Variants in PTPRU observed in about 807,000 individuals in gnomAD.
PTPRU encodes protein tyrosine phosphatase receptor type U.
Under a neutral mutation model 166.3 loss-of-function variants are expected in PTPRU, and 69 were observed. The ratio of observed to expected loss-of-function variants is 0.41; its 90% CI spans 0.34 to 0.51. PTPRU has a LOEUF of 0.51. PTPRU is among the 20% of genes least tolerant of loss of function. PTPRU has a pLI of 0.09. For synonymous variants in PTPRU, 793 were observed against 814.0 expected (o/e 0.97, Z 0.44); for missense variants, 1,657 against 2,013.7 (o/e 0.82, Z 3.39).
chr1:29,325,223 C>T lies in PTPRU; in HGVS notation c.4145C>T (p.Ala1382Val). Residue 1382 changes from alanine to valine, a missense_variant, in exon 29 of 30, where the codon GCC (alanine) becomes GTC (valine). Around this residue, in one of 3 missense-constraint regions of PTPRU, gnomAD observed 1,190 missense variants for 1,477.4 expected, o/e 0.81. Coordinates refer to ENST00000373779, the MANE Select transcript of PTPRU (RefSeq NM_133178.4). ...GGAGGACGCAGCGGCACCTTCTGCG[C>T]CTGCGCCACGGTCCTGGAGATGATC... ...NGGGRSGTFCACATVLEMIRC... is the reference protein window; with the variant it reads ...NGGGRSGTFCVCATVLEMIRC... 6.2e-7 allele frequency: 1 copy of T among 1,614,206 alleles called. No homozygotes were observed.
At chr1:29,242,512 G>C (rs1212546949) in intron 1 of PTPRU, among the ~76,000 whole-genome samples, 2 of 152,206 alleles carry the variant, frequency 1.3e-5, no homozygotes, top group Non-Finnish European at 2.9e-5. Context: ...TGGCTCCTGA[G>C]TCATGTATGG....
chr1:29,255,212 C>G (rs1684722217), intron 1 of PTPRU, 63 bp from the exon 2 acceptor site: 1 of 1,561,900 alleles, frequency 6.4e-7, no homozygotes, highest in Admixed American at 1.8e-5. Context: ...GGGCTACCCT[C>G]CAGGAGCCCT....
At chr1:29,318,083 A>G (rs922542741) in intron 25 of PTPRU, among the ~76,000 whole-genome samples, 162 bp downstream of exon 25, 1 of 152,134 alleles carries the variant, frequency 6.6e-6, no homozygotes, top group African/African-American at 2.4e-5. Flanking sequence ...GGGAGCTTCC[A>G]TTCAGGGCAT....
chr1:29,283,049 C>A (rs1686163654), intron 12 of PTPRU, 100 bp downstream of exon 12: 3 of 1,494,190 alleles, frequency 2.0e-6, no homozygotes, highest in South Asian at 1.3e-5. Flanking sequence ...CCAGGCCCGG[C>A]ACTTCCCATA....
intron 25 of PTPRU, among the ~76,000 whole-genome samples, chr1:29,319,659 G>C (rs1195939937): frequency 6.6e-6 from 1 of 152,246 alleles, no homozygotes; most frequent in African/African-American, 2.4e-5. Flanking sequence ...GGGGACCAGG[G>C]GGGCTCTTTG....
intron 15 of PTPRU, among the ~76,000 whole-genome samples, chr1:29,292,389 C>T (rs1225440707): frequency 2.6e-5 from 4 of 152,154 alleles, no homozygotes; most frequent in African/African-American, 9.7e-5. Flanking sequence ...AGAGTCAGAC[C>T]TGGGCTTACC....
At chr1:29,249,530 C>T (rs1269428029) in intron 1 of PTPRU, among the ~76,000 whole-genome samples, 2 of 152,228 alleles carry the variant, frequency 1.3e-5, no homozygotes, top group African/African-American at 4.8e-5. Flanking sequence ...CTCCCTGTTC[C>T]CAGTCTGAGG....
chr1:29,303,031 A>G (rs1274216149), intron 15 of PTPRU, among the ~76,000 whole-genome samples: 2 of 152,066 alleles, frequency 1.3e-5, no homozygotes, highest in African/African-American at 4.8e-5. Flanking sequence ...GTGTAAATAC[A>G]CTCTGTGGTG....
At chr1:29,306,285 C>G (rs1261584516) in intron 18 of PTPRU, among the ~76,000 whole-genome samples, 1 of 152,216 alleles carries the variant, frequency 6.6e-6, no homozygotes, top group Non-Finnish European at 1.5e-5. Context: ...CGAGGCGGGA[C>G]AGGGCCCCTA....
At chr1:29,266,298 C>T (rs1574633914) in intron 7 of PTPRU, among the ~76,000 whole-genome samples, 1 of 152,044 alleles carries the variant, frequency 6.6e-6, no homozygotes, top group African/African-American at 2.4e-5. Context: ...CGCGCCTGGC[C>T]TCCTGTTTTT....
chr1:29,296,201 T>C (rs1686874880), intron 15 of PTPRU, among the ~76,000 whole-genome samples: 1 of 152,216 alleles, frequency 6.6e-6, no homozygotes, highest in Non-Finnish European at 1.5e-5. Flanking sequence ...ATCCTTGTCT[T>C]CTTTTCCTGA....
chr1:29,293,973 T>C (rs529219103), intron 15 of PTPRU, among the ~76,000 whole-genome samples: 1 of 152,374 alleles, frequency 6.6e-6, no homozygotes, highest in African/African-American at 2.4e-5. Context: ...TGTATCACAA[T>C]TGACTTCTCC....
At chr1:29,322,310 C>T (rs1381089870) in intron 26 of PTPRU, among the ~76,000 whole-genome samples, 1 of 152,176 alleles carries the variant, frequency 6.6e-6, no homozygotes, top group Admixed American at 6.5e-5. Context: ...AGACACAGCC[C>T]CTCCCAGATC....
Position 29,259,297 on chromosome 1 carries a change from G to A in PTPRU, c.514G>A (p.Gly172Ser). 6.2e-7 allele frequency: 1 copy of A among 1,614,072 alleles called. No individual in the cohort carries two copies. Among genetic ancestry groups the A allele is most frequent in the Non-Finnish European group, 8.5e-7 (1 of 1,179,976 alleles). Residue 172 changes from glycine to serine, a missense_variant, in exon 4 of 30, where the codon GGC (glycine) becomes AGC (serine). Transcript: ENST00000373779. ...GGCCCTCATCTCCCCAGACCGCAGG[G>A]GCTACATGGGCCTAGATGACATCCT... ...FEALISPDRRGYMGLDDILLL... is the reference protein window; with the variant it reads ...FEALISPDRRSYMGLDDILLL...
intron 26 of PTPRU, among the ~76,000 whole-genome samples, chr1:29,321,861 T>A (rs2151971414): frequency 6.6e-6 from 1 of 151,136 alleles, no homozygotes; most frequent in East Asian, 1.9e-4. Flanking sequence ...TTCAGTGACC[T>A]CAGCCTGGGG....
chr1:29,287,813 G>T (rs1386317056), intron 14 of PTPRU, among the ~76,000 whole-genome samples: 1 of 150,888 alleles, frequency 6.6e-6, no homozygotes, highest in East Asian at 1.9e-4. Flanking sequence ...AGCCAGGATG[G>T]GTATGTATGT....
At position 29,260,037 on chromosome 1, in the gene PTPRU, C is replaced by G. The variant is rs543166825; in HGVS notation, c.843C>G (p.Ile281Met). 4 of 1,446,108 alleles carry G rather than the reference C, an allele frequency of 2.8e-6. No individual in the cohort carries two copies. Among genetic ancestry groups the G allele is most frequent in the Non-Finnish European group, 3.6e-6 (4 of 1,105,244 alleles). The allele number at this position is 1,446,108 out of a possible 1,614,324, so 89.6% of individuals were successfully genotyped here. A position where few individuals can be genotyped will look rare whatever the true frequency, so the allele number is the denominator to read the frequency against. The change falls in exon 6 of 30, where the codon ATC (isoleucine) becomes ATG (methionine). Residue 281 changes from isoleucine to methionine, a missense_variant. Ile to Met is a conservative substitution (Grantham distance 10, BLOSUM62 1). This residue lies in a region of PTPRU where 453 missense variants were observed against 496.9 expected (regional missense o/e 0.91). Transcript: ENST00000373779. This position sits in a 1 kb window ranked among gnomAD's most constrained non-coding sequence, Gnocchi z 8.3. The stretch of plus-strand genomic sequence containing the variant: ...GCGTCTCTAACTTCGCGGAGCTCAT[C>G]GTCAAGGGTCAGCTGGTGGACGCCG... ...GAGVSNFAELIVKEPPTPIAP... is the reference protein window; with the variant it reads ...GAGVSNFAELMVKEPPTPIAP...
chr1:29,298,276 C>CAAA (rs35978871), intron 15 of PTPRU, among the ~76,000 whole-genome samples: 1 of 139,012 alleles, frequency 7.2e-6, no homozygotes, highest in Non-Finnish European at 1.6e-5. Flanking sequence ...AAAAAAAAGA[C>CAAA]AAAAAAAAAA....
chr1:29,266,636 G>A (rs1685317123), intron 7 of PTPRU, among the ~76,000 whole-genome samples: 1 of 152,062 alleles, frequency 6.6e-6, no homozygotes, highest in South Asian at 2.1e-4. Flanking sequence ...TTACAACATG[G>A]GAATAATAAC....
Sources: gnomAD v4.1 joint callset for allele counts (sites outside exome capture counted in the v4.1 genomes callset) on GRCh38, gnomAD v4.1.1 for gene constraint, gnomAD v4.1.1 regional missense constraint, Gnocchi (gnomAD v3.1) non-coding constraint, MANE v1.5 for transcripts, NCBI Gene and HGNC (gene_info 2026-07-23, HGNC 2026-07-21) for gene names.